CADM2: variants seen among roughly 807,000 people sequenced by gnomAD.
The protein encoded by CADM2 is immunoglobulin superfamily member 4D.
In CADM2, 12 loss-of-function variants were observed where a neutral mutation model predicts 49.8. The ratio of observed to expected loss-of-function variants is 0.24; its 90% CI spans 0.15 to 0.39. The LOEUF (loss-of-function observed/expected upper bound fraction) is 0.39, where lower values mean the gene tolerates loss of function less well. CADM2 is among the 10% of genes least tolerant of loss of function. The pLI is 1.00. For synonymous variants in CADM2, 214 were observed against 175.4 expected, an observed-to-expected ratio of 1.22 and a Z score of -1.74; for missense variants, 378 against 492.3, an observed-to-expected ratio of 0.77 and a Z score of 2.20.
chr3:85,713,383 A>G (rs1032759686), intron 1 of CADM2, among the ~76,000 whole-genome samples: 20 of 152,296 alleles, frequency 1.3e-4, no homozygotes, highest in Non-Finnish European at 1.6e-4. Context: ...TCCTCACCTC[A>G]GGTGATCCGC....
At chr3:85,784,025 ATCTC>A (rs927195479) in intron 2 of CADM2, among the ~76,000 whole-genome samples, 4 of 152,132 alleles carry the variant, frequency 2.6e-5, no homozygotes, top group East Asian at 1.9e-4. Context: ...ATAACTATTG[ATCTC>A]TCTCTCACAC....
intron 3 of CADM2, among the ~76,000 whole-genome samples, chr3:85,824,660 G>C (rs767258590): frequency 2.6e-5 from 4 of 152,002 alleles, no homozygotes; most frequent in Non-Finnish European, 4.4e-5. Flanking sequence ...TTGTTCAAAA[G>C]TCCCTAAAAT....
chr3:85,098,436 C>T (rs955592245), intron 1 of CADM2, among the ~76,000 whole-genome samples: 23 of 152,158 alleles, frequency 1.5e-4, no homozygotes, highest in South Asian at 6.2e-4. Context: ...CAAGTCACCA[C>T]GCTTTTTTGA....
chr3:85,821,861 G>C (rs2073595411), intron 3 of CADM2, among the ~76,000 whole-genome samples: 1 of 152,026 alleles, frequency 6.6e-6, no homozygotes, highest in African/African-American at 2.4e-5. Flanking sequence ...CTTATTATTA[G>C]GTTCTGCAAA....
At chr3:85,113,728 G>T (rs1467131328) in intron 1 of CADM2, among the ~76,000 whole-genome samples, 1 of 150,472 alleles carries the variant, frequency 6.6e-6, no homozygotes, top group Non-Finnish European at 1.5e-5. Flanking sequence ...CTTATCAGGG[G>T]TTTAATGTGA....
intron 2 of CADM2, among the ~76,000 whole-genome samples, chr3:85,733,299 A>G (rs985909372): frequency 2.0e-5 from 3 of 152,366 alleles, no homozygotes; most frequent in East Asian, 3.9e-4. Context: ...GAGTGTGCTC[A>G]TAAAAATTTT....
At chr3:85,606,314 C>A (rs1487616978) in intron 1 of CADM2, among the ~76,000 whole-genome samples, 1 of 152,094 alleles carries the variant, frequency 6.6e-6, no homozygotes, top group Non-Finnish European at 1.5e-5. Flanking sequence ...CCCCACACTG[C>A]TTTCCACATG....
chr3:85,092,675 C>CCT (rs1003671666), intron 1 of CADM2, among the ~76,000 whole-genome samples: 25 of 152,018 alleles, frequency 1.6e-4, no homozygotes, highest in African/African-American at 6.0e-4. Context: ...CTAAACAAGA[C>CCT]CTCTCTCACC....
chr3:85,167,669 T>C (rs956830471), intron 1 of CADM2, among the ~76,000 whole-genome samples: 2 of 152,192 alleles, frequency 1.3e-5, no homozygotes, highest in East Asian at 1.9e-4. Context: ...TATTTAACAA[T>C]TAAACCACTT....
intron 2 of CADM2, among the ~76,000 whole-genome samples, chr3:85,784,653 G>C (rs986262323): frequency 2.0e-5 from 3 of 152,062 alleles, no homozygotes; most frequent in African/African-American, 7.2e-5. Context: ...GTTGCACAAA[G>C]TGTACACAGA....
intron 1 of CADM2, among the ~76,000 whole-genome samples, chr3:85,546,706 G>A (rs1424221760): frequency 1.3e-5 from 2 of 152,066 alleles, no homozygotes; most frequent in South Asian, 2.1e-4. Context: ...GCATTGATAA[G>A]GTGATTTCCC....
At chr3:85,697,086 T>TATATATATGCC (rs1393558222) in intron 1 of CADM2, among the ~76,000 whole-genome samples, 6 of 20,044 alleles carry the variant, frequency 3.0e-4, no homozygotes, top group Non-Finnish European at 5.4e-4. Context: ...ATATATGCCA[T>TATATATATGCC]ATATATATAT....
rs117492326 is a variant in CADM2, at chr3:85,799,630, G to T, written c.89-2417G>T. Among the ~76,000 whole-genome samples, 41 of 152,270 alleles carry T rather than the reference G, an allele frequency of 2.7e-4. 2 individuals are homozygous for T. In the East Asian group the frequency reaches 7.9e-3, roughly 29 times the overall value. On this transcript the variant is annotated intron_variant, in intron 2 of 9. Transcript: ENST00000383699. ...ATCCCCAGGATGAAATGACTTGATC[G>T]TGGTGGATAAGGTTTTTAATGTGCT...
At chr3:85,196,261 C>T (rs895495097) in intron 1 of CADM2, among the ~76,000 whole-genome samples, 4 of 151,896 alleles carry the variant, frequency 2.6e-5, no homozygotes, top group African/African-American at 7.2e-5. Context: ...TATGAGGTGG[C>T]TTCATGAATT....
intron 1 of CADM2, among the ~76,000 whole-genome samples, chr3:85,549,115 A>G (rs952620143): frequency 1.3e-5 from 2 of 152,184 alleles, no homozygotes; most frequent in African/African-American, 4.8e-5. Flanking sequence ...CTGCAGGAGG[A>G]GTCTCAAGGG....
rs1271876485 is a variant in CADM2, at chr3:86,072,915, G to C, written c.*6132G>C. ...GCTAGTACTCTTTCTCCTTATAAAT[G>C]TACACAATTTTAATCTTTTTACAAA... On this transcript the variant is annotated 3_prime_UTR_variant, in exon 10 of 10. Coordinates refer to ENST00000383699, the MANE Select transcript of CADM2 (RefSeq NM_001167675.2). 6.6e-6 allele frequency: 1 copy of C among 152,054 alleles called. No individual in the cohort carries two copies. The highest frequency in any genetic ancestry group is 1.5e-5 in the Non-Finnish European group (1 of 67,936). 9.4% of individuals were successfully genotyped at this position (152,054 alleles called of 1,614,324 possible).
At chr3:85,871,787 G>A (rs897092045) in intron 3 of CADM2, among the ~76,000 whole-genome samples, 3 of 152,010 alleles carry the variant, frequency 2.0e-5, no homozygotes, top group African/African-American at 7.3e-5. Context: ...GAGACATTAG[G>A]TTTATCTACT....
At chr3:84,989,602 TG>T (rs927672976) in intron 1 of CADM2, among the ~76,000 whole-genome samples, 6 of 152,122 alleles carry the variant, frequency 3.9e-5, no homozygotes, top group Non-Finnish European at 8.8e-5. Context: ...ATAAAAACTA[TG>T]ACCTTTTTAG....
rs1439790892 is a variant in CADM2 at position 85,386,191 on chromosome 3, A to T, written c.62-340331A>T. 3.3e-5 allele frequency among the ~76,000 whole-genome samples: 5 copies of T among 152,170 alleles called. No individual in the cohort carries two copies. In the East Asian group the frequency reaches 9.6e-4, roughly 29 times the overall value. On this transcript the variant is annotated intron_variant, in intron 1 of 9. Transcript: ENST00000383699. ...AGGAGTGATTTCATACCTGTGTATA[A>T]ATTCAAGGTAGCTAATTATTTTGAA... is the stretch of plus-strand genomic sequence containing the variant.
Sources: allele counts gnomAD v4.1 joint callset (sites outside exome capture counted in the v4.1 genomes callset), GRCh38; gene constraint gnomAD v4.1.1; transcripts MANE v1.5; gene names NCBI Gene and HGNC (gene_info 2026-07-23, HGNC 2026-07-21).